HS3ST4: variants seen among roughly 807,000 people sequenced by gnomAD.
The protein encoded by HS3ST4 is heparan sulfate glucosamine 3-O-sulfotransferase 4.
HS3ST4 carries 17 observed loss-of-function variants against 29.2 expected under a neutral mutation model. The observed-to-expected ratio is 0.58, with a 90% CI of 0.40 to 0.87. The LOEUF (loss-of-function observed/expected upper bound fraction) is 0.87. Among genes scored for constraint, HS3ST4 ranks in the 40% least tolerant of loss-of-function variants. The probability of loss-of-function intolerance (pLI) is 0.00; values close to 1 mark genes in which losing one functional copy is unlikely to be tolerated. For synonymous variants in HS3ST4, 314 were observed against 285.7 expected, an observed-to-expected ratio of 1.10 and a Z score of -1.00; for missense variants, 627 against 634.5, an observed-to-expected ratio of 0.99 and a Z score of 0.13.
intron 1 of HS3ST4, among the ~76,000 whole-genome samples, chr16:25,807,305 T>C (rs916388993): frequency 6.6e-6 from 1 of 152,158 alleles, no homozygotes; most frequent in Non-Finnish European, 1.5e-5. Context: ...ACACCCCTTC[T>C]TCCCCAACAC....
At chr16:25,990,893 T>C (rs1177320837) in intron 1 of HS3ST4, among the ~76,000 whole-genome samples, 1 of 152,230 alleles carries the variant, frequency 6.6e-6, no homozygotes, top group African/African-American at 2.4e-5. Context: ...AGCGTCTCTA[T>C]AAAGTAGTGT....
At chr16:25,740,278 G>A (rs1042966968) in intron 1 of HS3ST4, among the ~76,000 whole-genome samples, 3 of 152,146 alleles carry the variant, frequency 2.0e-5, no homozygotes, top group Non-Finnish European at 4.4e-5. Flanking sequence ...GTTGACTAGA[G>A]GGGATTTAAA....
At chr16:26,048,370 T>A (rs1003333321) in intron 1 of HS3ST4, among the ~76,000 whole-genome samples, 5 of 152,218 alleles carry the variant, frequency 3.3e-5, no homozygotes, top group African/African-American at 1.2e-4. Context: ...TTGTCGACCA[T>A]ATAGCACAAC....
intron 1 of HS3ST4, 36 bp downstream of exon 1, chr16:25,693,187 G>A (rs759252693): frequency 6.6e-7 from 1 of 1,516,836 alleles, no homozygotes; most frequent in South Asian, 1.3e-5. Flanking sequence ...GTGGAGACGC[G>A]TGGGGGAGAC....
chr16:25,954,228 A>G (rs1308119038), intron 1 of HS3ST4, among the ~76,000 whole-genome samples: 1 of 152,218 alleles, frequency 6.6e-6, no homozygotes, highest in Non-Finnish European at 1.5e-5. Flanking sequence ...ACTTTTTAAA[A>G]GCCAGTGTTC....
At chr16:26,011,409 A>G (rs1209559978) in intron 1 of HS3ST4, among the ~76,000 whole-genome samples, 3 of 151,300 alleles carry the variant, frequency 2.0e-5, no homozygotes, top group Admixed American at 6.6e-5. Flanking sequence ...AAAATACACA[A>G]ATTAGCCAGG....
At chr16:26,045,826 C>A (rs1174246863) in intron 1 of HS3ST4, among the ~76,000 whole-genome samples, 1 of 152,120 alleles carries the variant, frequency 6.6e-6, no homozygotes, top group African/African-American at 2.4e-5. Flanking sequence ...TGAAGCTGAC[C>A]TTTTCCTTGA....
intron 1 of HS3ST4, among the ~76,000 whole-genome samples, chr16:25,923,817 G>A (rs568596384): frequency 2.6e-5 from 4 of 152,172 alleles, no homozygotes; most frequent in East Asian, 1.9e-4. Context: ...GGCTTCAGGC[G>A]TTGGGTTGCG....
intron 1 of HS3ST4, among the ~76,000 whole-genome samples, chr16:25,828,278 TTCTTTCTTTCTTTCTTTCTTTCCC>T (rs1967248548): frequency 1.1e-5 from 1 of 87,784 alleles, no homozygotes; most frequent in Admixed American, 1.3e-4. Context: ...CTTTCTTTCT[TTCTTTCTTTCTTTCTTTCTTTCCC>T]TCTCTCTCTC....
At chr16:25,916,348 T>C (rs1205631403) in intron 1 of HS3ST4, among the ~76,000 whole-genome samples, 1 of 152,126 alleles carries the variant, frequency 6.6e-6, no homozygotes, top group East Asian at 1.9e-4. Context: ...CTTTGTTGTG[T>C]TGTGTTTATA....
At chr16:25,924,579 A>G (rs1596615698) in intron 1 of HS3ST4, among the ~76,000 whole-genome samples, 1 of 152,086 alleles carries the variant, frequency 6.6e-6, no homozygotes, top group Non-Finnish European at 1.5e-5. Flanking sequence ...GTTTTAACCC[A>G]TTTTCATATG....
chr16:25,903,367 A>ATATATATGTATATGTATAGCT (rs1567268748), intron 1 of HS3ST4, among the ~76,000 whole-genome samples: 4 of 59,318 alleles, frequency 6.7e-5, no homozygotes, highest in Non-Finnish European at 1.7e-4. Context: ...TGTATATCTT[A>ATATATATGTATATGTATAGCT]TATATATATA....
intron 1 of HS3ST4, among the ~76,000 whole-genome samples, chr16:25,828,009 AG>A: frequency 6.7e-6 from 1 of 149,526 alleles, no homozygotes; most frequent in Non-Finnish European, 1.5e-5. Flanking sequence ...TTTTAGGGTC[AG>A]GGGCACATGA....
chr16:25,931,617 A>C (rs1968464921), intron 1 of HS3ST4, among the ~76,000 whole-genome samples: 1 of 152,254 alleles, frequency 6.6e-6, no homozygotes, highest in Non-Finnish European at 1.5e-5. Flanking sequence ...TTCATTATGC[A>C]GGATGGAGAC....
chr16:26,087,453 G>A (rs1159851605), intron 1 of HS3ST4, among the ~76,000 whole-genome samples: 1 of 152,114 alleles, frequency 6.6e-6, no homozygotes, highest in Non-Finnish European at 1.5e-5. Context: ...TGGAACCAAG[G>A]AACACCTGGC....
chr16:26,034,291 G>GT (rs1310237908), intron 1 of HS3ST4, among the ~76,000 whole-genome samples: 1 of 152,192 alleles, frequency 6.6e-6, no homozygotes, highest in African/African-American at 2.4e-5. Flanking sequence ...TAAGGGAGCT[G>GT]TAAGTGTGGA....
intron 1 of HS3ST4, among the ~76,000 whole-genome samples, chr16:25,975,445 A>G (rs144626495): frequency 6.6e-6 from 1 of 152,286 alleles, no homozygotes; most frequent in Non-Finnish European, 1.5e-5. Context: ...GGGAAGAGCA[A>G]AAGAAAATAA....
At position 26,071,896 on chromosome 16, in the gene HS3ST4, C is replaced by T. The variant is rs79079248; in HGVS notation, c.735-63716C>T. 1.2e-3 allele frequency among the ~76,000 whole-genome samples: 190 copies of T among 152,272 alleles called. 2 individuals are homozygous for T. The East Asian group carries it at 0.032, about 26-fold the overall frequency. ...GTTAGCATATAACTAAGTGCATCATCGCATTTGGAACACTCACGAGGGGTC... is the reference window on the plus strand; with the variant it reads ...GTTAGCATATAACTAAGTGCATCATTGCATTTGGAACACTCACGAGGGGTC... On this transcript the variant is annotated intron_variant, in intron 1 of 1. Coordinates refer to ENST00000331351, the MANE Select transcript of HS3ST4 (RefSeq NM_006040.3).
chr16:25,957,968 T>G (rs1426190383), intron 1 of HS3ST4, among the ~76,000 whole-genome samples: 2 of 152,066 alleles, frequency 1.3e-5, no homozygotes, highest in East Asian at 3.9e-4. Flanking sequence ...CTCACACTAC[T>G]CTCCAGCCAG....
Sources: gnomAD v4.1 joint callset for allele counts (sites outside exome capture counted in the v4.1 genomes callset) on GRCh38, gnomAD v4.1.1 for gene constraint, MANE v1.5 for transcripts, NCBI Gene and HGNC (gene_info 2026-07-23, HGNC 2026-07-21) for gene names.